The following KCNH5 variants were observed in gnomAD, a reference collection of about 807,000 sequenced individuals.
The protein encoded by KCNH5 is potassium voltage-gated channel subfamily H member 5.
A neutral mutation model predicts 96.1 loss-of-function variants in KCNH5; 46 were observed. The ratio of observed to expected loss-of-function variants is 0.48; its 90% CI spans 0.38 to 0.61. The LOEUF (loss-of-function observed/expected upper bound fraction) is 0.61. Among genes scored for constraint, KCNH5 ranks in the 20% least tolerant of loss-of-function variants. The pLI is 0.00. For missense variants in KCNH5, 907 were observed against 1,225.8 expected, an observed-to-expected ratio of 0.74 and a Z score of 3.88; for synonymous variants, 439 against 449.8, an observed-to-expected ratio of 0.98 and a Z score of 0.30.
chr14:62,854,370 T>A (rs1264758673), intron 7 of KCNH5, among the ~76,000 whole-genome samples: 1 of 152,132 alleles, frequency 6.6e-6, no homozygotes, highest in Non-Finnish European at 1.5e-5. Flanking sequence ...AAACATTTTA[T>A]TTTCATATCA....
chr14:62,910,936 CACACA>C (rs1889139440), intron 7 of KCNH5, among the ~76,000 whole-genome samples: 15 of 145,776 alleles, frequency 1.0e-4, no homozygotes, highest in South Asian at 6.9e-4. Context: ...CACACACACA[CACACA>C]CCCCTCTGTT....
chr14:62,966,662 T>C (rs1180384369), intron 6 of KCNH5, among the ~76,000 whole-genome samples: 2 of 152,200 alleles, frequency 1.3e-5, no homozygotes, highest in East Asian at 3.9e-4. Flanking sequence ...GTTTGATTTT[T>C]TTATTACACG....
At chr14:62,968,792 C>CA (rs1890351962) in intron 6 of KCNH5, among the ~76,000 whole-genome samples, 1 of 152,122 alleles carries the variant, frequency 6.6e-6, no homozygotes, top group Non-Finnish European at 1.5e-5. Context: ...GTTAGAGAGA[C>CA]AGAGTGTCTG....
chr14:62,740,085 A>C (rs1023231138), intron 10 of KCNH5, among the ~76,000 whole-genome samples: 2 of 152,130 alleles, frequency 1.3e-5, no homozygotes, highest in African/African-American at 4.8e-5. Flanking sequence ...ACATTTAAAC[A>C]GGTCAGGTCT....
chr14:62,933,666 T>G (rs1027865445), intron 7 of KCNH5, among the ~76,000 whole-genome samples: 5 of 152,142 alleles, frequency 3.3e-5, no homozygotes, highest in Non-Finnish European at 7.4e-5. Flanking sequence ...GATTTGAAAG[T>G]CATCTCTGGG....
At chr14:62,981,319 G>T in intron 5 of KCNH5, 55 bp from the exon 6 acceptor site, 1 of 1,537,790 alleles carries the variant, frequency 6.5e-7, no homozygotes, top group South Asian at 1.2e-5. Context: ...CACAGTCAGT[G>T]ATGAATTCAA....
At chr14:62,751,810 G>A (rs114413160) in intron 10 of KCNH5, among the ~76,000 whole-genome samples, 1 of 152,150 alleles carries the variant, frequency 6.6e-6, no homozygotes, top group Non-Finnish European at 1.5e-5. Flanking sequence ...CCATATACAA[G>A]AGCTGTTCCA....
chr14:63,012,528 A>G (rs1891247820), intron 2 of KCNH5, among the ~76,000 whole-genome samples: 1 of 152,166 alleles, frequency 6.6e-6, no homozygotes, highest in Non-Finnish European at 1.5e-5. Flanking sequence ...AACTCTGCAT[A>G]TATTCTATTA....
intron 10 of KCNH5, 116 bp from the exon 11 acceptor site, chr14:62,708,571 AG>A: frequency 1.6e-6 from 1 of 620,110 alleles, no homozygotes; most frequent in Non-Finnish European, 2.6e-6. Context: ...ATATTTGATA[AG>A]ATTATTTCTC....
chr14:62,741,909 T>C (rs1002403666), intron 10 of KCNH5, among the ~76,000 whole-genome samples: 2 of 152,158 alleles, frequency 1.3e-5, no homozygotes, highest in African/African-American at 4.8e-5. Context: ...CTAAAGACAA[T>C]GTAATATAAG....
At chr14:63,033,067 A>G (rs1319869294) in intron 1 of KCNH5, among the ~76,000 whole-genome samples, 2 of 151,884 alleles carry the variant, frequency 1.3e-5, no homozygotes, top group African/African-American at 4.8e-5. Context: ...CCCCATTTCC[A>G]CTACTACCAT....
chr14:62,935,521 G>GGT (rs1364256041), intron 7 of KCNH5, among the ~76,000 whole-genome samples: 1 of 152,092 alleles, frequency 6.6e-6, no homozygotes, highest in African/African-American at 2.4e-5. Context: ...GGGAAAAGGT[G>GGT]GTGTGAATTA....
At position 62,702,433 on chromosome 14, in the gene KCNH5, G is replaced by C. The variant is rs1021916316; in HGVS notation, c.*5075C>G. 1.3e-5 allele frequency: 2 copies of C among 151,990 alleles called. No individual in the cohort carries two copies. The highest frequency in any genetic ancestry group is 3.8e-4 in the East Asian group (2 of 5,196). The allele number at this position is 151,990 out of a possible 1,614,324, so 9.4% of individuals were successfully genotyped here. A position where few individuals can be genotyped will look rare whatever the true frequency, so the allele number is the denominator to read the frequency against. Reference sequence around the variant, plus strand: ...GAACTAGATAGTTCTTGTAATGTCAGTATTCTACAAAATAAAGGTTTCTCC... The same window carrying C: ...GAACTAGATAGTTCTTGTAATGTCACTATTCTACAAAATAAAGGTTTCTCC... On this transcript the variant is annotated 3_prime_UTR_variant, in exon 11 of 11. Coordinates refer to ENST00000322893, the MANE Select transcript of KCNH5 (RefSeq NM_139318.5).
chr14:62,747,195 C>T (rs998795865), intron 10 of KCNH5, among the ~76,000 whole-genome samples: 2 of 152,142 alleles, frequency 1.3e-5, no homozygotes, highest in Admixed American at 6.5e-5. Flanking sequence ...ATCAGCTGGG[C>T]GTGGTGGTGC....
chr14:63,037,231 T>G (rs987935161), intron 1 of KCNH5, among the ~76,000 whole-genome samples: 1 of 152,146 alleles, frequency 6.6e-6, no homozygotes, highest in Non-Finnish European at 1.5e-5. Context: ...TAGGTACAAG[T>G]AAGTTAAGTC....
At chr14:62,951,320 T>C (rs909283996) in intron 6 of KCNH5, among the ~76,000 whole-genome samples, 10 of 152,216 alleles carry the variant, frequency 6.6e-5, no homozygotes, top group African/African-American at 2.2e-4. Flanking sequence ...AAGCACAGCA[T>C]AGGCTTTCTT....
At chr14:62,715,088 C>T (rs1884655285) in intron 10 of KCNH5, among the ~76,000 whole-genome samples, 1 of 148,958 alleles carries the variant, frequency 6.7e-6, no homozygotes, top group African/African-American at 2.5e-5. Context: ...GCTTCTTAAA[C>T]TTAACAGGGA....
At chr14:62,728,862 C>T (rs1490971825) in intron 10 of KCNH5, among the ~76,000 whole-genome samples, 3 of 151,986 alleles carry the variant, frequency 2.0e-5, no homozygotes, top group Non-Finnish European at 2.9e-5. Flanking sequence ...CTAGAAGGAA[C>T]GGGGCAGAGA....
At chr14:62,976,390 G>A (rs564682156) in intron 6 of KCNH5, among the ~76,000 whole-genome samples, 8 of 136,878 alleles carry the variant, frequency 5.8e-5, no homozygotes, top group African/African-American at 1.4e-4. Flanking sequence ...GTGACAGAGC[G>A]AGACTCCATG....
Sources: gnomAD v4.1 joint callset for allele counts (sites outside exome capture counted in the v4.1 genomes callset) on GRCh38, gnomAD v4.1.1 for gene constraint, MANE v1.5 for transcripts, NCBI Gene and HGNC (gene_info 2026-07-23, HGNC 2026-07-21) for gene names.